CCDC141: variants seen among roughly 807,000 people sequenced by gnomAD.
The protein encoded by CCDC141 is coiled-coil domain-containing protein 141.
Under a neutral mutation model 181.0 loss-of-function variants are expected in CCDC141, and 168 were observed. The observed-to-expected ratio is 0.93, with a 90% CI of 0.82 to 1.05. CCDC141 has a LOEUF of 1.05. Among genes scored for constraint, CCDC141 ranks in the 50% least tolerant of loss-of-function variants. The pLI is 0.00. For synonymous variants in CCDC141, 666 were observed against 642.3 expected, an observed-to-expected ratio of 1.04 and a Z score of -0.56; for missense variants, 1,902 against 1,788.5, an observed-to-expected ratio of 1.06 and a Z score of -1.14.
intron 17 of CCDC141, among the ~76,000 whole-genome samples, chr2:178,860,543 C>CCTTTT (rs1685563598): frequency 1.9e-5 from 1 of 51,338 alleles, no homozygotes. Context: ...AAAAACAACA[C>CCTTTT]TTTTTTTTTT....
chr2:179,040,521 C>T (rs1440524112), intron 2 of CCDC141, among the ~76,000 whole-genome samples: 1 of 152,186 alleles, frequency 6.6e-6, no homozygotes, highest in Non-Finnish European at 1.5e-5. Context: ...CTTCCTGATG[C>T]TCTCCCTCCT....
intron 18 of CCDC141, 32 bp downstream of exon 18, chr2:178,856,225 G>A: frequency 1.9e-6 from 3 of 1,561,740 alleles, no homozygotes; most frequent in South Asian, 1.2e-5. Context: ...GCATACACAT[G>A]CGCACATATA....
At chr2:179,041,904 A>T (rs555362837) in intron 2 of CCDC141, among the ~76,000 whole-genome samples, 1 of 152,348 alleles carries the variant, frequency 6.6e-6, no homozygotes, top group East Asian at 1.9e-4. Context: ...GAGTACCCAG[A>T]TTCATAAAGC....
chr2:179,034,822 G>A (rs886505748), intron 2 of CCDC141, among the ~76,000 whole-genome samples: 1 of 152,016 alleles, frequency 6.6e-6, no homozygotes, highest in African/African-American at 2.4e-5. Context: ...CTTCTTAAAT[G>A]TTTACTGGAA....
chr2:179,024,542 A>C (rs916369565), intron 2 of CCDC141, among the ~76,000 whole-genome samples: 2 of 152,190 alleles, frequency 1.3e-5, no homozygotes, highest in Admixed American at 1.3e-4. Flanking sequence ...AACACATACT[A>C]CAGTAGAAGT....
chr2:178,918,145 C>G (rs192326644), intron 7 of CCDC141, among the ~76,000 whole-genome samples: 1 of 152,156 alleles, frequency 6.6e-6, no homozygotes. Flanking sequence ...CATGGTGGCT[C>G]ATGCCTACAA....
chr2:178,976,904 TA>T (rs1208000436), intron 3 of CCDC141, among the ~76,000 whole-genome samples: 2 of 152,176 alleles, frequency 1.3e-5, no homozygotes, highest in African/African-American at 4.8e-5. Context: ...CAGCTTGTTA[TA>T]AAATTAAAAA....
chr2:179,033,379 A>G (rs183235274), intron 2 of CCDC141, among the ~76,000 whole-genome samples: 1 of 152,276 alleles, frequency 6.6e-6, no homozygotes, highest in Admixed American at 6.6e-5. Flanking sequence ...TGCAAATACT[A>G]TGCCATTTTA....
Position 178,871,610 on chromosome 2 carries a change from G to T in CCDC141, c.2080-58C>A. 2.5e-6 allele frequency: 4 copies of T among 1,592,704 alleles called. No homozygotes were observed. The South Asian group carries it at 4.5e-5, about 18-fold the overall frequency. ...TTTCTTTGACATCTCCAGCAAATTT[G>T]ATCATTCTAGGTATGACGCAGAGTG... On this transcript the variant is annotated intron_variant, in intron 13 of 23. Transcript: ENST00000443758.
At chr2:179,037,834 T>G (rs2043187009) in intron 2 of CCDC141, among the ~76,000 whole-genome samples, 1 of 152,148 alleles carries the variant, frequency 6.6e-6, no homozygotes, top group South Asian at 2.1e-4. Flanking sequence ...TATGACTTTT[T>G]AAAAAAGAAA....
intron 2 of CCDC141, among the ~76,000 whole-genome samples, chr2:179,025,036 T>C (rs1440587092): frequency 1.3e-5 from 2 of 152,162 alleles, no homozygotes; most frequent in African/African-American, 4.8e-5. Flanking sequence ...CAGTTGAGAA[T>C]CACCTACTTA....
intron 3 of CCDC141, among the ~76,000 whole-genome samples, chr2:178,977,974 T>C (rs909389538): frequency 6.6e-6 from 1 of 152,186 alleles, no homozygotes; most frequent in African/African-American, 2.4e-5. Context: ...GTTCAAACTA[T>C]GGAAAATCAA....
intron 2 of CCDC141, among the ~76,000 whole-genome samples, chr2:178,986,858 G>A (rs1002433841): frequency 2.6e-5 from 4 of 151,258 alleles, no homozygotes; most frequent in Admixed American, 2.6e-4. Context: ...CTCATGGGTA[G>A]GAAGAATCAA....
chr2:179,041,177 T>C (rs1364657117), intron 2 of CCDC141, among the ~76,000 whole-genome samples: 1 of 152,080 alleles, frequency 6.6e-6, no homozygotes, highest in Non-Finnish European at 1.5e-5. Flanking sequence ...GTTCACGCCA[T>C]TTTCCTGCCT....
Position 178,959,034 on chromosome 2 carries a change from G to A in CCDC141, c.780+2196C>T, listed in dbSNP as rs976205944. On this transcript the variant is annotated intron_variant, in intron 5 of 23. Coordinates refer to ENST00000443758, the MANE Select transcript of CCDC141 (RefSeq NM_173648.4). ...GGAAGGGGCTTGGGGTTGTAAAAAC[G>A]TCGCAAGGACAAAAAACCAAACACC... Among the ~76,000 whole-genome samples, 3 of 151,882 alleles carry A rather than the reference G, an allele frequency of 2.0e-5. No individual in the cohort carries two copies. In the South Asian group the frequency reaches 6.2e-4, roughly 32 times the overall value.
chr2:178,848,466 A>G (rs1685029795), intron 21 of CCDC141, among the ~76,000 whole-genome samples: 1 of 152,186 alleles, frequency 6.6e-6, no homozygotes, highest in Non-Finnish European at 1.5e-5. Flanking sequence ...GCAAAAGAGA[A>G]TCCAAGTGAC....
rs191750785 is a variant in CCDC141 at position 178,902,610 on chromosome 2, A to G, written c.1265+2719T>C. 2.0e-5 allele frequency among the ~76,000 whole-genome samples: 3 copies of G among 152,296 alleles called. No homozygotes were observed. The East Asian group carries it at 5.8e-4, about 29-fold the overall frequency. On this transcript the variant is annotated intron_variant, in intron 8 of 23. Transcript: ENST00000443758. The stretch of plus-strand genomic sequence containing the variant: ...CACCTTATGCAAAAATTAATTCAAG[A>G]TGGACTAAAGACTTAAACGTTACAC...
intron 3 of CCDC141, among the ~76,000 whole-genome samples, chr2:178,976,436 A>G (rs1314555805): frequency 1.3e-5 from 2 of 152,220 alleles, no homozygotes; most frequent in Non-Finnish European, 2.9e-5. Context: ...ATGAAATCCA[A>G]TTATAAGTGA....
intron 7 of CCDC141, among the ~76,000 whole-genome samples, chr2:178,906,022 C>G (rs1324777407): frequency 6.6e-6 from 1 of 152,126 alleles, no homozygotes; most frequent in Non-Finnish European, 1.5e-5. Flanking sequence ...AGATATAAGA[C>G]CTTCAGCCTA....
Sources: gnomAD v4.1 joint callset for allele counts (sites outside exome capture counted in the v4.1 genomes callset) on GRCh38, gnomAD v4.1.1 for gene constraint, MANE v1.5 for transcripts, NCBI Gene and HGNC (gene_info 2026-07-23, HGNC 2026-07-21) for gene names.